ANLN: variants seen among roughly 807,000 people sequenced by gnomAD.
The protein encoded by ANLN is anillin, actin binding protein, also known as anillin.
Under a neutral mutation model 135.1 loss-of-function variants are expected in ANLN, and 59 were observed. That is an observed-to-expected ratio of 0.44 (90% CI 0.35 to 0.54). The LOEUF (loss-of-function observed/expected upper bound fraction) is 0.54, where lower values mean the gene tolerates loss of function less well. ANLN is among the 20% of genes least tolerant of loss of function. The probability of loss-of-function intolerance (pLI) is 0.00; values close to 1 mark genes in which losing one functional copy is unlikely to be tolerated. For synonymous variants in ANLN, 406 were observed against 456.4 expected, an observed-to-expected ratio of 0.89 and a Z score of 1.41; for missense variants, 1,182 against 1,340.0, an observed-to-expected ratio of 0.88 and a Z score of 1.84.
At position 36,398,933 on chromosome 7, in the gene ANLN, G is replaced by A. The variant is rs542051772; in HGVS notation, c.173-146G>A. ...TTTCTAAGTTGCTGAAAGAGAATGG[G>A]GTTTTACATACTTCTGGTTGTAACT... On this transcript the variant is annotated intron_variant, in intron 2 of 23. Transcript: ENST00000265748. The A allele has an allele frequency of 1.6e-5, 10 of 620,692 alleles. No homozygotes were observed. In the East Asian group the frequency reaches 2.3e-4, roughly 14 times the overall value. 38.4% of individuals were successfully genotyped at this position (620,692 alleles called of 1,614,324 possible). A position where few individuals can be genotyped will look rare whatever the true frequency, so the allele number is the denominator to read the frequency against.
chr7:36,399,541 C>T (rs1786850996), intron 3 of ANLN, 148 bp downstream of exon 3: 2 of 752,216 alleles, frequency 2.7e-6, no homozygotes. Flanking sequence ...TATGGTTTGT[C>T]TACCAGTAGT....
chr7:36,422,286 TC>T (rs1216078098), intron 13 of ANLN, among the ~76,000 whole-genome samples: 17 of 40,322 alleles, frequency 4.2e-4, no homozygotes, highest in African/African-American at 1.2e-3. Context: ...ACATACATTC[TC>T]TCTCTCTCTC....
chr7:36,424,452 A>G (rs1415709499), intron 15 of ANLN, 93 bp from the exon 16 acceptor site: 2 of 1,038,346 alleles, frequency 1.9e-6, no homozygotes, highest in Non-Finnish European at 2.8e-6. Context: ...GGATTCCTTT[A>G]CTTAGAGTCT....
intron 20 of ANLN, chr7:36,428,211 A>G: frequency 1.9e-6 from 1 of 526,780 alleles, no homozygotes; most frequent in East Asian, 9.1e-5. Flanking sequence ...TTAATTTTAA[A>G]AATTTTTGTA....
intron 20 of ANLN, among the ~76,000 whole-genome samples, chr7:36,435,199 C>T (rs918198181): frequency 6.6e-6 from 1 of 152,090 alleles, no homozygotes; most frequent in African/African-American, 2.4e-5. Flanking sequence ...ATGAATACAC[C>T]TATATAACCA....
intron 9 of ANLN, among the ~76,000 whole-genome samples, chr7:36,418,910 C>T (rs191795724): frequency 9.1e-4 from 139 of 152,064 alleles, no homozygotes; most frequent in Non-Finnish European, 1.5e-3. Context: ...CCTATCACCA[C>T]GCCTGGCTAA....
intron 21 of ANLN, among the ~76,000 whole-genome samples, 181 bp downstream of exon 21, chr7:36,439,471 A>C (rs888720150): frequency 3.3e-5 from 5 of 152,260 alleles, no homozygotes; most frequent in African/African-American, 1.2e-4. Context: ...CACAAAAAAT[A>C]ATTCCTCTGC....
In ANLN at chr7:36,426,166, A is replaced by G. The variant is rs1667231700; in HGVS notation, c.2770+130A>G. The G allele has an allele frequency of 8.5e-6, 6 of 709,266 alleles. 1 individual carries two copies. In the South Asian group the frequency reaches 1.6e-4, roughly 18 times the overall value. The allele number at this position is 709,266 out of a possible 1,614,324, so 43.9% of individuals were successfully genotyped here. On this transcript the variant is annotated intron_variant, in intron 19 of 23. Transcript: ENST00000265748. ...GATCTCCTTTGGAATAATATTTTCTATGTGAGTTTCTTAGTAACAGGATTA... is the reference window on the plus strand; with the variant it reads ...GATCTCCTTTGGAATAATATTTTCTGTGTGAGTTTCTTAGTAACAGGATTA...
chr7:36,406,387 A>G lies in ANLN; in HGVS notation c.694A>G (p.Thr232Ala), dbSNP rs1172801035. 1.2e-6 allele frequency: 2 copies of G among 1,613,810 alleles called. No individual in the cohort carries two copies. Among genetic ancestry groups the G allele is most frequent in the South Asian group, 1.1e-5 (1 of 91,068 alleles). Residue 232 changes from threonine (T) to alanine (A), a missense_variant, in exon 4 of 24, where the codon ACC becomes GCC. This residue lies in a region of ANLN where 1,022 missense variants were observed against 1,134.0 expected (regional missense o/e 0.90). Coordinates refer to ENST00000265748, the MANE Select transcript of ANLN (RefSeq NM_018685.5). ...AAACAGTGTACAAGAACAGCCTGGT[A>G]CCGCTTGTTTATCCAAATTTTCCTC... ...KQNSVQEQPGTACLSKFSSAS... is the reference protein window; with the variant it reads ...KQNSVQEQPGAACLSKFSSAS...
At chr7:36,401,585 T>C (rs111871273) in intron 3 of ANLN, among the ~76,000 whole-genome samples, 26,892 of 98,300 alleles carry the variant, frequency 0.27, 5,691 homozygotes, top group African/African-American at 0.36. Flanking sequence ...GTGATCCGCC[T>C]GCCGCGGCCT....
rs77589027 is a variant in ANLN at position 36,416,493 on chromosome 7, A to G, written c.1523-587A>G. Among the ~76,000 whole-genome samples, 1,419 of 152,324 alleles carry G rather than the reference A, an allele frequency of 9.3e-3. 22 individuals are homozygous for G. Among genetic ancestry groups the G allele is most frequent in the African/African-American group, 0.032 (1,351 of 41,570 alleles). On this transcript the variant is annotated intron_variant, in intron 8 of 23. Coordinates refer to ENST00000265748, the MANE Select transcript of ANLN (RefSeq NM_018685.5). ...TTGTCTTGTTCCTCATCTTAAAGGA[A>G]AAGCTTTTAATCCTTCACTGTTGAG...
In ANLN at chr7:36,407,089, A is replaced by G. The variant is rs536952672; in HGVS notation, c.873+523A>G. ...AGTTTTCAAAAAACAATCTTAAATAAAAAGGAAAAATAATTTCGTGTTTCT... is the reference window on the plus strand; with the variant it reads ...AGTTTTCAAAAAACAATCTTAAATAGAAAGGAAAAATAATTTCGTGTTTCT... On this transcript the variant is annotated intron_variant, in intron 4 of 23. Coordinates refer to ENST00000265748, the MANE Select transcript of ANLN (RefSeq NM_018685.5). Among the ~76,000 whole-genome samples, 7 of 152,310 alleles carry G rather than the reference A, an allele frequency of 4.6e-5. No individual in the cohort carries two copies. In the South Asian group the frequency reaches 1.4e-3, roughly 32 times the overall value.
At chr7:36,430,271 A>G (rs566579424) in intron 20 of ANLN, among the ~76,000 whole-genome samples, 17 of 152,330 alleles carry the variant, frequency 1.1e-4, no homozygotes, top group East Asian at 9.6e-4. Context: ...CAGTAATACA[A>G]CAATCACAGA....
Position 36,421,294 on chromosome 7 carries a change from TTGAACTCAGG to T in ANLN, c.2163+554_2164-550del, listed in dbSNP as rs1180441487. Among the ~76,000 whole-genome samples, 7 of 152,112 alleles carry T rather than the reference TTGAACTCAGG, an allele frequency of 4.6e-5. No individual in the cohort carries two copies. In the South Asian group the frequency reaches 1.5e-3, roughly 32 times the overall value. Reference sequence around the variant, plus strand: ...TGTTGGTCAGGCTAGTCTCAAACTCTTGAACTCAGGTGACCCACCCACCTCAGCCTCCCAA... The same window carrying T: ...TGTTGGTCAGGCTAGTCTCAAACTCTTGACCCACCCACCTCAGCCTCCCAA... On this transcript the variant is annotated intron_variant, in intron 12 of 23. Coordinates refer to ENST00000265748, the MANE Select transcript of ANLN (RefSeq NM_018685.5).
At chr7:36,400,741 C>T (rs943683111) in intron 3 of ANLN, among the ~76,000 whole-genome samples, 3 of 152,174 alleles carry the variant, frequency 2.0e-5, no homozygotes, top group South Asian at 2.1e-4. Flanking sequence ...GCTACTGGGC[C>T]TCACCCAAGG....
intron 20 of ANLN, among the ~76,000 whole-genome samples, chr7:36,433,060 C>T (rs1330026162): frequency 1.3e-5 from 2 of 152,202 alleles, no homozygotes; most frequent in African/African-American, 2.4e-5. Flanking sequence ...AAGCCATCCA[C>T]CTGCCTTGCC....
chr7:36,408,061 G>A, intron 5 of ANLN, 105 bp downstream of exon 5: 1 of 890,168 alleles, frequency 1.1e-6, no homozygotes, highest in South Asian at 1.8e-5. Context: ...GATTTGCCAG[G>A]GCCAATGCCT....
Position 36,417,100 on chromosome 7 carries a change from A to C in ANLN, c.1543A>C (p.Thr515Pro), listed in dbSNP as rs773759920. 1.2e-6 allele frequency: 2 copies of C among 1,604,152 alleles called. No homozygotes were observed. The highest frequency in any genetic ancestry group is 1.7e-6 in the Non-Finnish European group (2 of 1,175,386). The change falls in exon 9 of 24, where the codon ACG (threonine) becomes CCG (proline). Residue 515 changes from threonine to proline, a missense_variant. Thr to Pro is a conservative substitution (Grantham distance 38). This residue lies in a region of ANLN where 1,022 missense variants were observed against 1,134.0 expected (regional missense o/e 0.90). Coordinates refer to ENST00000265748, the MANE Select transcript of ANLN (RefSeq NM_018685.5). ...EPKGFTECEMTKSSPLKITLF... is the reference protein window; with the variant it reads ...EPKGFTECEMPKSSPLKITLF... ...TTTAGGTTTCACTGAATGCGAAATG[A>C]CGAAATCTAGCCCTTTGAAAATAAC... is the stretch of plus-strand genomic sequence containing the variant.
intron 3 of ANLN, among the ~76,000 whole-genome samples, chr7:36,402,327 G>T (rs1421774491): frequency 6.8e-6 from 1 of 146,826 alleles, no homozygotes; most frequent in Non-Finnish European, 1.5e-5. Flanking sequence ...TGGCCAGGCT[G>T]GTCTCAAACT....
Sources: allele counts gnomAD v4.1 joint callset (sites outside exome capture counted in the v4.1 genomes callset), GRCh38; gene constraint gnomAD v4.1.1; regional missense constraint gnomAD v4.1.1; transcripts MANE v1.5; gene names NCBI Gene and HGNC (gene_info 2026-07-23, HGNC 2026-07-21).